The following GPR176 variants were observed in gnomAD, a reference collection of about 807,000 sequenced individuals.
The protein encoded by GPR176 is G protein-coupled receptor 176, also known as G-protein coupled receptor 176.
In GPR176, 26 loss-of-function variants were observed where a neutral mutation model predicts 35.4. The observed-to-expected ratio is 0.74, with a 90% CI of 0.54 to 1.02. The LOEUF is 1.02. Among genes scored for constraint, GPR176 ranks in the 50% least tolerant of loss-of-function variants. The probability of loss-of-function intolerance (pLI) is 0.00; values close to 1 mark genes in which losing one functional copy is unlikely to be tolerated. For synonymous variants in GPR176, 278 were observed against 271.3 expected, an observed-to-expected ratio of 1.02 and a Z score of -0.24; for missense variants, 597 against 665.3, an observed-to-expected ratio of 0.90 and a Z score of 1.13.
chr15:39,893,450 CAGA>C (rs1281232627), intron 1 of GPR176, among the ~76,000 whole-genome samples: 21 of 152,254 alleles, frequency 1.4e-4, no homozygotes, highest in Middle Eastern at 3.4e-3. Flanking sequence ...GATCCCAAGG[CAGA>C]AGAAGTTTTC....
chr15:39,863,093 T>G (rs1362922176), intron 1 of GPR176, among the ~76,000 whole-genome samples: 9 of 151,314 alleles, frequency 5.9e-5, no homozygotes, highest in Non-Finnish European at 1.3e-4. Context: ...AGACAGAGTC[T>G]CGCTCTGTTG....
intron 1 of GPR176, among the ~76,000 whole-genome samples, chr15:39,908,946 G>A (rs1415287766): frequency 6.6e-6 from 1 of 152,176 alleles, no homozygotes; most frequent in Non-Finnish European, 1.5e-5. Flanking sequence ...TGGGAGTGGG[G>A]CTATACAGAG....
At position 39,802,070 on chromosome 15, in the gene GPR176, C is replaced by G; in HGVS notation, c.610G>C (p.Val204Leu). ...EVWSNSLGHL[V>L]YVLVYNITTV... ...GTGATGTTATACACCAGAACGTACA[C>G]CAGGTGGCCCAAGGAGTTGCTCCAG... The change falls in exon 3 of 3, where the codon GTG (valine) becomes CTG (leucine). Residue 204 changes from valine to leucine, a missense_variant. Coordinates refer to ENST00000561100, the MANE Select transcript of GPR176 (RefSeq NM_007223.3). 1 of 1,614,140 alleles carries G rather than the reference C, an allele frequency of 6.2e-7. No individual in the cohort carries two copies. Among genetic ancestry groups the G allele is most frequent in the Non-Finnish European group, 8.5e-7 (1 of 1,180,026 alleles).
chr15:39,853,875 T>C (rs1487178735), intron 1 of GPR176, among the ~76,000 whole-genome samples: 2 of 152,156 alleles, frequency 1.3e-5, no homozygotes, highest in South Asian at 2.1e-4. Flanking sequence ...AATAAGGGTA[T>C]ATAAAATGCA....
intron 1 of GPR176, among the ~76,000 whole-genome samples, chr15:39,814,539 T>C (rs1899772514): frequency 6.6e-6 from 1 of 152,256 alleles, no homozygotes; most frequent in Non-Finnish European, 1.5e-5. Flanking sequence ...TATTCTGTTG[T>C]ATCTACTTCT....
chr15:39,875,090 G>GT (rs2032192322), intron 1 of GPR176, among the ~76,000 whole-genome samples: 1 of 152,104 alleles, frequency 6.6e-6, no homozygotes, highest in African/African-American at 2.4e-5. Context: ...TCCAGCAAAC[G>GT]TGAGTCTACC....
chr15:39,912,942 A>G (rs527597950), intron 1 of GPR176, among the ~76,000 whole-genome samples: 2 of 152,294 alleles, frequency 1.3e-5, no homozygotes, highest in African/African-American at 4.8e-5. Context: ...TGATATAGCA[A>G]TTTCACTCCT....
At chr15:39,898,116 T>G (rs1272729945) in intron 1 of GPR176, among the ~76,000 whole-genome samples, 1 of 152,264 alleles carries the variant, frequency 6.6e-6, no homozygotes, top group Admixed American at 6.5e-5. Context: ...TATCTTTATT[T>G]TATTGCTTCA....
intron 1 of GPR176, among the ~76,000 whole-genome samples, chr15:39,809,190 C>T (rs1899379228): frequency 6.6e-6 from 1 of 152,162 alleles, no homozygotes; most frequent in African/African-American, 2.4e-5. Flanking sequence ...CATGCAGAGC[C>T]TAATCTCTTC....
At chr15:39,881,329 G>A (rs986362441) in intron 1 of GPR176, among the ~76,000 whole-genome samples, 3 of 152,206 alleles carry the variant, frequency 2.0e-5, no homozygotes, top group Non-Finnish European at 2.9e-5. Flanking sequence ...AATTAATGCT[G>A]ATGAATGAAT....
chr15:39,854,923 C>T (rs1372774509), intron 1 of GPR176, among the ~76,000 whole-genome samples: 2 of 151,942 alleles, frequency 1.3e-5, no homozygotes, highest in Admixed American at 1.3e-4. Flanking sequence ...TGGTGGTGCA[C>T]ACCGGTGATC....
At chr15:39,842,903 C>A (rs1017294488) in intron 1 of GPR176, among the ~76,000 whole-genome samples, 2 of 152,036 alleles carry the variant, frequency 1.3e-5, no homozygotes, top group Non-Finnish European at 2.9e-5. Context: ...ACAGGACTTG[C>A]CTAGGACAGA....
intron 1 of GPR176, among the ~76,000 whole-genome samples, chr15:39,882,336 T>C (rs531723989): frequency 6.6e-6 from 1 of 152,340 alleles, no homozygotes; most frequent in Admixed American, 6.5e-5. Flanking sequence ...TACAATCACA[T>C]ATGTACACTA....
rs146373181 is a variant in GPR176, at chr15:39,826,506, C to G, written c.173-19248G>C. ...GAAGGTCCTCCCCACCTACAGGGGG[C>G]TCCTGCATGTTGTGCAGTGTGCAGG... On this transcript the variant is annotated intron_variant, in intron 1 of 2. Transcript: ENST00000561100. Among the ~76,000 whole-genome samples the G allele has an allele frequency of 2.8e-3, 426 of 152,188 alleles. 1 individual carries two copies. Among genetic ancestry groups the G allele is most frequent in the African/African-American group, 9.5e-3 (393 of 41,516 alleles).
intron 1 of GPR176, among the ~76,000 whole-genome samples, chr15:39,908,676 A>T (rs1268803486): frequency 6.6e-6 from 1 of 151,668 alleles, no homozygotes; most frequent in East Asian, 1.9e-4. Context: ...CCCTGTGTCT[A>T]TATCTCACCC....
chr15:39,864,707 C>CT (rs1339631168), intron 1 of GPR176, among the ~76,000 whole-genome samples: 1 of 152,006 alleles, frequency 6.6e-6, no homozygotes, highest in Non-Finnish European at 1.5e-5. Flanking sequence ...CTTAACCCAA[C>CT]TAAAAAAGCT....
intron 1 of GPR176, among the ~76,000 whole-genome samples, chr15:39,908,198 T>C (rs1037811608): frequency 1.3e-5 from 2 of 152,154 alleles, no homozygotes; most frequent in Non-Finnish European, 2.9e-5. Context: ...AGCCTAAGCA[T>C]GACTTTCTCC....
At chr15:39,815,227 G>A (rs1296896300) in intron 1 of GPR176, 4 of 152,378 alleles carry the variant, frequency 2.6e-5, no homozygotes, top group East Asian at 3.8e-4. Flanking sequence ...GGAGACAGAG[G>A]GCCTTGGGAA....
chr15:39,815,363 G>C (rs2140800257), intron 1 of GPR176: 1 of 152,406 alleles, frequency 6.6e-6, no homozygotes, highest in East Asian at 1.9e-4. Flanking sequence ...TCCTCTGGCA[G>C]AATCACATCA....
Sources: allele counts gnomAD v4.1 joint callset (sites outside exome capture counted in the v4.1 genomes callset), GRCh38; gene constraint gnomAD v4.1.1; transcripts MANE v1.5; gene names NCBI Gene and HGNC (gene_info 2026-07-23, HGNC 2026-07-21).